Variants in SLA2 observed in about 807,000 individuals in gnomAD.
SLA2 encodes the protein Src like adaptor 2.
SLA2 carries 22 observed loss-of-function variants against 27.3 expected under a neutral mutation model. That is an observed-to-expected ratio of 0.81 (90% CI 0.58 to 1.15). The LOEUF (loss-of-function observed/expected upper bound fraction) is 1.15, where lower values mean the gene tolerates loss of function less well. Among genes scored for constraint, SLA2 ranks in the 50% most tolerant of loss-of-function variants. The pLI, the probability that SLA2 is intolerant of heterozygous loss-of-function variation, is 0.00. For synonymous variants in SLA2, 131 were observed against 137.8 expected (o/e 0.95, Z 0.34); for missense variants, 304 against 322.2 (o/e 0.94, Z 0.43).
chr20:36,634,770 A>G (rs1240409782), intron 2 of SLA2, among the ~76,000 whole-genome samples, 181 bp from the exon 3 acceptor site: 2 of 151,738 alleles, frequency 1.3e-5, no homozygotes, highest in East Asian at 3.9e-4. Flanking sequence ...AACTTTGCAG[A>G]GCCCTGACAG....
At position 36,633,601 on chromosome 20, in the gene SLA2, C is replaced by CA; in HGVS notation, c.219dup (p.Glu74Ter). Reference sequence around the variant, plus strand: ...ATGTTATACTCTCTGCCTGAGACTTCAGACAGCACCGTCCACCAGTCTCCA... The same window carrying CA: ...ATGTTATACTCTCTGCCTGAGACTTCAAGACAGCACCGTCCACCAGTCTCCA... On this transcript the variant is annotated frameshift_variant, in exon 4 of 8. Transcript: ENST00000262866. LOFTEE classifies it high-confidence loss of function. 1 of 1,614,060 alleles carries CA rather than the reference C, an allele frequency of 6.2e-7. No individual in the cohort carries two copies. Among genetic ancestry groups the CA allele is most frequent in the South Asian group, 1.1e-5 (1 of 91,074 alleles).
chr20:36,629,461 G>A (rs575444655), intron 5 of SLA2, among the ~76,000 whole-genome samples: 7 of 123,162 alleles, frequency 5.7e-5, no homozygotes, highest in South Asian at 2.7e-4. Context: ...GCAAAACCCC[G>A]TTTCTACTAA....
intron 5 of SLA2, among the ~76,000 whole-genome samples, chr20:36,623,630 G>A (rs2039307746): frequency 6.6e-6 from 1 of 151,992 alleles, no homozygotes; most frequent in South Asian, 2.1e-4. Flanking sequence ...TGCCTGACTG[G>A]GAGCCCTTTG....
chr20:36,614,080 T>TC (rs1189594627), intron 7 of SLA2, 94 bp from the exon 8 acceptor site: 1 of 1,551,272 alleles, frequency 6.4e-7, no homozygotes, highest in African/African-American at 1.4e-5. Flanking sequence ...AACCCTTCAC[T>TC]CCTGCTGAGG....
chr20:36,637,191 G>A (rs902853428), intron 2 of SLA2, among the ~76,000 whole-genome samples: 1 of 133,720 alleles, frequency 7.5e-6, no homozygotes, highest in African/African-American at 2.9e-5. Context: ...GCGCGTGTGT[G>A]TATTTTTTTT....
At chr20:36,639,668 A>G (rs888691614) in intron 2 of SLA2, among the ~76,000 whole-genome samples, 19 of 151,552 alleles carry the variant, frequency 1.3e-4, no homozygotes, top group African/African-American at 4.1e-4. Context: ...CCTGGCTAAC[A>G]CAGTGAAACC....
At chr20:36,614,583 A>G in intron 6 of SLA2, 146 bp from the exon 7 acceptor site, 2 of 1,431,186 alleles carry the variant, frequency 1.4e-6, no homozygotes, top group South Asian at 3.1e-5. Flanking sequence ...TATTGGTTTC[A>G]TGGAGACAGA....
chr20:36,627,628 C>T (rs183525555), intron 5 of SLA2, among the ~76,000 whole-genome samples: 3 of 152,310 alleles, frequency 2.0e-5, no homozygotes, highest in South Asian at 2.1e-4. Flanking sequence ...AGCAGGACAG[C>T]GCAGAGGGGC....
At chr20:36,645,402 G>A (rs1007038662) in intron 1 of SLA2, among the ~76,000 whole-genome samples, 2 of 152,018 alleles carry the variant, frequency 1.3e-5, no homozygotes, top group African/African-American at 4.8e-5. Context: ...GTTAAAGGGA[G>A]ACCTCTCCCT....
intron 2 of SLA2, among the ~76,000 whole-genome samples, chr20:36,636,029 G>T (rs1274536307): frequency 2.6e-5 from 4 of 152,110 alleles, no homozygotes; most frequent in Non-Finnish European, 5.9e-5. Flanking sequence ...CTGTCCCTGG[G>T]GCTCAACTGT....
intron 2 of SLA2, among the ~76,000 whole-genome samples, chr20:36,639,669 C>T (rs982361019): frequency 5.3e-5 from 8 of 150,540 alleles, no homozygotes; most frequent in Non-Finnish European, 1.0e-4. Flanking sequence ...CTGGCTAACA[C>T]AGTGAAACCC....
chr20:36,640,861 C>T (rs1417337233), intron 2 of SLA2, among the ~76,000 whole-genome samples: 3 of 152,018 alleles, frequency 2.0e-5, no homozygotes, highest in Admixed American at 6.6e-5. Flanking sequence ...TGGCTGGTGG[C>T]GACTGCAATG....
chr20:36,638,055 C>A (rs1353189655), intron 2 of SLA2, among the ~76,000 whole-genome samples: 1 of 151,772 alleles, frequency 6.6e-6, no homozygotes, highest in East Asian at 1.9e-4. Context: ...CCACGCCCAG[C>A]TAATTTTTTG....
chr20:36,632,547 T>C (rs781544104), intron 5 of SLA2, 48 bp downstream of exon 5: 11 of 1,464,168 alleles, frequency 7.5e-6, no homozygotes, highest in Non-Finnish European at 9.6e-6. Context: ...GGCTCCTTTC[T>C]GAGACCTCCA....
chr20:36,628,564 G>A (rs1211359384), intron 5 of SLA2, among the ~76,000 whole-genome samples: 1 of 152,020 alleles, frequency 6.6e-6, no homozygotes. Flanking sequence ...TTATTTATTT[G>A]AGACAGGGTC....
At chr20:36,638,333 G>A (rs2039473586) in intron 2 of SLA2, among the ~76,000 whole-genome samples, 1 of 151,496 alleles carries the variant, frequency 6.6e-6, no homozygotes, top group Admixed American at 6.6e-5. Flanking sequence ...GTTTTGTTTT[G>A]TTTTGTTTTG....
At chr20:36,633,946 T>C (rs1236497064) in intron 3 of SLA2, among the ~76,000 whole-genome samples, 1 of 151,450 alleles carries the variant, frequency 6.6e-6, no homozygotes, top group Non-Finnish European at 1.5e-5. Context: ...CTTTTCTACC[T>C]GGGGGAAGGG....
At position 36,632,104 on chromosome 20, in the gene SLA2, G is replaced by A. The variant is rs61137999; in HGVS notation, c.382+491C>T. On this transcript the variant is annotated intron_variant, in intron 5 of 7. Coordinates refer to ENST00000262866, the MANE Select transcript of SLA2 (RefSeq NM_032214.4). Reference sequence around the variant, plus strand: ...TCCTCTCGTTTCCCCCAAAACACACGCCCAGCACTGTGTCTCTGCTGAGTA... The same window carrying A: ...TCCTCTCGTTTCCCCCAAAACACACACCCAGCACTGTGTCTCTGCTGAGTA... 6.6e-5 allele frequency among the ~76,000 whole-genome samples: 10 copies of A among 152,160 alleles called. No homozygotes were observed. The East Asian group carries it at 1.2e-3, about 18-fold the overall frequency.
intron 5 of SLA2, among the ~76,000 whole-genome samples, chr20:36,622,696 T>C (rs1363514455): frequency 6.6e-6 from 1 of 152,168 alleles, no homozygotes; most frequent in Non-Finnish European, 1.5e-5. Context: ...CCTCTGCTCA[T>C]GGCCCCTTCC....
Sources: gnomAD v4.1 joint callset for allele counts (sites outside exome capture counted in the v4.1 genomes callset) on GRCh38, gnomAD v4.1.1 for gene constraint, MANE v1.5 for transcripts, NCBI Gene and HGNC (gene_info 2026-07-23, HGNC 2026-07-21) for gene names.